MTMR7: variants seen among roughly 807,000 people sequenced by gnomAD.
MTMR7 encodes myotubularin related protein 7.
In MTMR7, 76 loss-of-function variants were observed where a neutral mutation model predicts 81.2. That is an observed-to-expected ratio of 0.94 (90% CI 0.78 to 1.13). MTMR7 has a LOEUF of 1.13. MTMR7 is among the 50% of genes most tolerant of loss of function. MTMR7 has a pLI of 0.00. For synonymous variants in MTMR7, 372 were observed against 289.8 expected (o/e 1.28, Z -2.88); for missense variants, 1,044 against 820.0 (o/e 1.27, Z -3.34).
intron 1 of MTMR7, among the ~76,000 whole-genome samples, chr8:17,377,437 A>G (rs1177542563): frequency 6.6e-6 from 1 of 151,780 alleles, no homozygotes; most frequent in Admixed American, 6.6e-5. Context: ...TTTTCTTTTT[A>G]CCTCTTTGTG....
At chr8:17,378,245 G>T (rs1464589416) in intron 1 of MTMR7, among the ~76,000 whole-genome samples, 1 of 152,004 alleles carries the variant, frequency 6.6e-6, no homozygotes, top group East Asian at 1.9e-4. Flanking sequence ...GAAATAAGGA[G>T]GGGAACACCA....
At chr8:17,364,903 C>T (rs1047969174) in intron 3 of MTMR7, among the ~76,000 whole-genome samples, 1 of 152,202 alleles carries the variant, frequency 6.6e-6, no homozygotes, top group Non-Finnish European at 1.5e-5. Flanking sequence ...CTTTAACTTA[C>T]CGATTTCAAT....
chr8:17,311,775 C>A lies in MTMR7; in HGVS notation c.976-139G>T, dbSNP rs552055218. 1.2e-5 allele frequency: 16 copies of A among 1,338,868 alleles called. No homozygotes were observed. In the African/African-American group the frequency reaches 1.6e-4, roughly 13 times the overall value. 82.9% of individuals were successfully genotyped at this position (1,338,868 alleles called of 1,614,324 possible). The stretch of plus-strand genomic sequence containing the variant: ...CACCTGTCCATTCGTCTGTTTAGGG[C>A]CCCCCCTAATTAGGGCAGAGCCAGA... On this transcript the variant is annotated intron_variant, in intron 8 of 13. Coordinates refer to ENST00000180173, the MANE Select transcript of MTMR7 (RefSeq NM_004686.5).
intron 1 of MTMR7, among the ~76,000 whole-genome samples, chr8:17,383,018 C>A (rs1221678068): frequency 1.4e-5 from 2 of 148,066 alleles, no homozygotes; most frequent in Admixed American, 6.6e-5. Flanking sequence ...TGGTGTTCCT[C>A]CGAGATATGG....
At chr8:17,393,405 C>T (rs1346659214) in intron 1 of MTMR7, among the ~76,000 whole-genome samples, 5 of 152,164 alleles carry the variant, frequency 3.3e-5, no homozygotes, top group East Asian at 3.9e-4. Flanking sequence ...GTATTAAAAA[C>T]CTGTATTTCA....
intron 1 of MTMR7, among the ~76,000 whole-genome samples, chr8:17,393,748 T>C (rs1461641374): frequency 6.6e-6 from 1 of 152,190 alleles, no homozygotes; most frequent in Non-Finnish European, 1.5e-5. Context: ...TAATGGATGC[T>C]GGACTTCATA....
chr8:17,364,021 ATTTTTTTTT>A (rs36217265), intron 3 of MTMR7, among the ~76,000 whole-genome samples: 8 of 71,056 alleles, frequency 1.1e-4, no homozygotes, highest in Non-Finnish European at 1.8e-4. Flanking sequence ...TGTTGCTATT[ATTTTTTTTT>A]TTTTTTTTTT....
At chr8:17,307,893 G>T (rs1817563011) in intron 10 of MTMR7, among the ~76,000 whole-genome samples, 1 of 151,690 alleles carries the variant, frequency 6.6e-6, no homozygotes, top group Non-Finnish European at 1.5e-5. Flanking sequence ...GTTGTGGGGT[G>T]GCGGGAGGGG....
At chr8:17,361,437 C>T (rs1473180833) in intron 3 of MTMR7, among the ~76,000 whole-genome samples, 163 bp from the exon 4 acceptor site, 1 of 152,206 alleles carries the variant, frequency 6.6e-6, no homozygotes, top group African/African-American at 2.4e-5. Context: ...TAGGGTCCCC[C>T]ACTTCCTCCC....
At chr8:17,308,161 A>G (rs898667088) in intron 10 of MTMR7, among the ~76,000 whole-genome samples, 1 of 151,988 alleles carries the variant, frequency 6.6e-6, no homozygotes, top group Non-Finnish European at 1.5e-5. Context: ...TTCAAAATAA[A>G]CTTTACTGCA....
At chr8:17,380,994 C>T (rs563349875) in intron 1 of MTMR7, among the ~76,000 whole-genome samples, 3 of 152,144 alleles carry the variant, frequency 2.0e-5, no homozygotes, top group Admixed American at 2.0e-4. Context: ...ATTCTCAGAA[C>T]TAATGAAAGA....
rs1198715216 is a variant in MTMR7, at chr8:17,360,128, A to G, written c.468+989T>C. Among the ~76,000 whole-genome samples the G allele has an allele frequency of 2.6e-5, 4 of 152,224 alleles. No individual in the cohort carries two copies. In the East Asian group the frequency reaches 5.8e-4, roughly 22 times the overall value. ...CAGTGTTTTACAAATATAATTATTG[A>G]CAGAAAAATGTCACAATATGTATGT... On this transcript the variant is annotated intron_variant, in intron 4 of 13. Coordinates refer to ENST00000180173, the MANE Select transcript of MTMR7 (RefSeq NM_004686.5).
At chr8:17,384,652 T>C (rs573157268) in intron 1 of MTMR7, among the ~76,000 whole-genome samples, 4 of 152,312 alleles carry the variant, frequency 2.6e-5, no homozygotes, top group Admixed American at 1.3e-4. Context: ...CCATGATCTC[T>C]TATAATTACA....
chr8:17,371,080 A>G lies in MTMR7; in HGVS notation c.267T>C (p.Asp89=), dbSNP rs1820406423. The change falls in exon 3 of 14, where the codon GAT becomes GAC. Residue 89 remains aspartate, a synonymous_variant. Transcript: ENST00000180173. ...IIQLIIPQER[D]CHDVYISLIR... Reference sequence around the variant, plus strand: ...TCAGGGAGATGTACACGTCGTGGCAATCTCTTTCCTGAGGTATGATGAGCT... The same window carrying G: ...TCAGGGAGATGTACACGTCGTGGCAGTCTCTTTCCTGAGGTATGATGAGCT... 7 of 1,613,994 alleles carry G rather than the reference A, an allele frequency of 4.3e-6. No individual in the cohort carries two copies. The highest frequency in any genetic ancestry group is 5.1e-6 in the Non-Finnish European group (6 of 1,179,990).
chr8:17,407,301 T>G (rs989997149), intron 1 of MTMR7, among the ~76,000 whole-genome samples: 5 of 152,078 alleles, frequency 3.3e-5, no homozygotes, highest in Admixed American at 3.3e-4. Context: ...GAAGTGCTAT[T>G]CTCCCCTTTA....
chr8:17,390,545 C>A (rs1241599640), intron 1 of MTMR7, among the ~76,000 whole-genome samples: 2 of 152,062 alleles, frequency 1.3e-5, no homozygotes, highest in South Asian at 2.1e-4. Flanking sequence ...GAAATTAAAG[C>A]AGGATAAGCA....
intron 3 of MTMR7, among the ~76,000 whole-genome samples, chr8:17,365,379 C>T (rs921710137): frequency 4.6e-5 from 7 of 152,050 alleles, no homozygotes; most frequent in African/African-American, 1.7e-4. Flanking sequence ...GCAGAAGCTT[C>T]TTATATTTTA....
chr8:17,411,449 G>C (rs1406299915), intron 1 of MTMR7, among the ~76,000 whole-genome samples: 1 of 152,078 alleles, frequency 6.6e-6, no homozygotes, highest in African/African-American at 2.4e-5. Context: ...GTGAGTTCCT[G>C]GACGCTTCCA....
intron 6 of MTMR7, among the ~76,000 whole-genome samples, chr8:17,333,705 G>A (rs550985259): frequency 6.6e-6 from 1 of 152,050 alleles, no homozygotes; most frequent in South Asian, 2.1e-4. Flanking sequence ...GCAAAAATTA[G>A]CCAGACATGG....
Sources: gnomAD v4.1 joint callset for allele counts (sites outside exome capture counted in the v4.1 genomes callset) on GRCh38, gnomAD v4.1.1 for gene constraint, MANE v1.5 for transcripts, NCBI Gene and HGNC (gene_info 2026-07-23, HGNC 2026-07-21) for gene names.